ST18: variants seen among roughly 807,000 people sequenced by gnomAD.
ST18 encodes ST18 C2H2C-type zinc finger transcription factor.
Under a neutral mutation model 110.0 loss-of-function variants are expected in ST18, and 50 were observed. The ratio of observed to expected loss-of-function variants is 0.45; its 90% CI spans 0.36 to 0.58. The LOEUF is 0.58. Among genes scored for constraint, ST18 ranks in the 20% least tolerant of loss-of-function variants. The probability of loss-of-function intolerance (pLI) is 0.00; values close to 1 mark genes in which losing one functional copy is unlikely to be tolerated. For missense variants in ST18, 1,306 were observed against 1,280.1 expected (o/e 1.02, Z -0.31); for synonymous variants, 461 against 452.4 (o/e 1.02, Z -0.24).
intron 17 of ST18, among the ~76,000 whole-genome samples, chr8:52,138,793 C>T (rs774622383): frequency 9.2e-5 from 14 of 152,186 alleles, no homozygotes; most frequent in Non-Finnish European, 1.8e-4. Context: ...ACACCAGTCA[C>T]GCATCTGATC....
At chr8:52,147,711 T>C (rs2057715548) in intron 16 of ST18, among the ~76,000 whole-genome samples, 1 of 152,098 alleles carries the variant, frequency 6.6e-6, no homozygotes. Flanking sequence ...CTGTCCTTCC[T>C]GTAGCATAAG....
chr8:52,226,322 G>A (rs1466190149), intron 3 of ST18, among the ~76,000 whole-genome samples: 1 of 152,128 alleles, frequency 6.6e-6, no homozygotes, highest in African/African-American at 2.4e-5. Flanking sequence ...TTAACCACTT[G>A]TTTATGATGT....
intron 8 of ST18, among the ~76,000 whole-genome samples, chr8:52,200,599 G>A (rs997969758): frequency 1.3e-5 from 2 of 152,208 alleles, no homozygotes; most frequent in South Asian, 2.1e-4. Context: ...CTCGTGGAGT[G>A]AATCTTACAT....
intron 23 of ST18, among the ~76,000 whole-genome samples, chr8:52,122,889 A>G (rs1206881290): frequency 6.6e-6 from 1 of 151,964 alleles, no homozygotes; most frequent in African/African-American, 2.4e-5. Flanking sequence ...TTACTAAAGG[A>G]GTGAGGAGAG....
chr8:52,254,697 TA>T (rs1422140694), intron 2 of ST18, among the ~76,000 whole-genome samples: 1 of 152,126 alleles, frequency 6.6e-6, no homozygotes, highest in East Asian at 1.9e-4. Flanking sequence ...AAAATATATG[TA>T]ATGGAAGTGG....
rs534952420 is a variant in ST18, at chr8:52,215,009, G to A, written c.1-752C>T. On this transcript the variant is annotated intron_variant, in intron 6 of 25. Coordinates refer to ENST00000689386, the MANE Select transcript of ST18 (RefSeq NM_001352837.2). ...ACCCATCCATTTCACTAGAATCCGC[G>A]AATCATCTCTTAGTTTAATTCACTT... 3.6e-4 allele frequency among the ~76,000 whole-genome samples: 55 copies of A among 152,280 alleles called. No homozygotes were observed. The South Asian group carries it at 5.6e-3, about 15-fold the overall frequency.
chr8:52,230,993 A>G (rs28380145), intron 2 of ST18, among the ~76,000 whole-genome samples: 2,688 of 152,314 alleles, frequency 0.018, 77 homozygotes, highest in African/African-American at 0.062. Flanking sequence ...GTAAAAAACA[A>G]CCTAAGAGAA....
intron 22 of ST18, among the ~76,000 whole-genome samples, chr8:52,130,723 A>G (rs2049241112): frequency 6.6e-6 from 1 of 152,214 alleles, no homozygotes; most frequent in African/African-American, 2.4e-5. Context: ...CCATATCCTC[A>G]CCAAGCCTTG....
intron 2 of ST18, among the ~76,000 whole-genome samples, chr8:52,348,065 T>A (rs1818529398): frequency 6.6e-6 from 1 of 152,210 alleles, no homozygotes; most frequent in African/African-American, 2.4e-5. Context: ...ACACCCTGGT[T>A]TTGAGTGGCT....
At chr8:52,282,404 C>T (rs573669373) in intron 2 of ST18, among the ~76,000 whole-genome samples, 1 of 152,290 alleles carries the variant, frequency 6.6e-6, no homozygotes, top group South Asian at 2.1e-4. Flanking sequence ...AATCATGTAA[C>T]AGCTTAAATA....
chr8:52,355,836 G>A (rs571029114), intron 2 of ST18, among the ~76,000 whole-genome samples: 90 of 152,236 alleles, frequency 5.9e-4, no homozygotes, highest in African/African-American at 2.0e-3. Context: ...TTGATCTGTC[G>A]AGTAGCTCCC....
At chr8:52,347,440 A>G (rs753513094) in intron 2 of ST18, among the ~76,000 whole-genome samples, 11 of 152,216 alleles carry the variant, frequency 7.2e-5, no homozygotes, top group Admixed American at 3.9e-4. Context: ...CGTTATTGAT[A>G]TGGACCAGAA....
chr8:52,361,959 GT>G (rs1825925491), intron 2 of ST18, among the ~76,000 whole-genome samples: 1 of 151,780 alleles, frequency 6.6e-6, no homozygotes, highest in South Asian at 2.1e-4. Context: ...TTTTCTACAG[GT>G]TTTGCTTCAG....
At chr8:52,238,488 G>A (rs1183235679) in intron 2 of ST18, among the ~76,000 whole-genome samples, 2 of 152,088 alleles carry the variant, frequency 1.3e-5, no homozygotes, top group African/African-American at 2.4e-5. Context: ...ACCACCACTG[G>A]TATCTACCCA....
intron 9 of ST18, among the ~76,000 whole-genome samples, chr8:52,174,105 C>T (rs1437548444): frequency 6.6e-6 from 1 of 152,134 alleles, no homozygotes; most frequent in Non-Finnish European, 1.5e-5. Flanking sequence ...TTATAGGGTG[C>T]AGTCTTTTGT....
rs575643813 is a variant in ST18 at position 52,351,140 on chromosome 8, A to G, written c.-465+58188T>C. On this transcript the variant is annotated intron_variant, in intron 2 of 25. Coordinates refer to ENST00000689386, the MANE Select transcript of ST18 (RefSeq NM_001352837.2). ...TTGTTAAATAAATAAATATCAAAATATATTTATTTTCCAACACATTATTTG... is the reference window on the plus strand; with the variant it reads ...TTGTTAAATAAATAAATATCAAAATGTATTTATTTTCCAACACATTATTTG... 2.1e-4 allele frequency among the ~76,000 whole-genome samples: 32 copies of G among 152,310 alleles called. No homozygotes were observed. In the South Asian group the frequency reaches 5.0e-3, roughly 24 times the overall value.
chr8:52,406,623 A>C (rs1335800468), intron 2 of ST18: 1 of 152,314 alleles, frequency 6.6e-6, no homozygotes, highest in Non-Finnish European at 1.5e-5. Flanking sequence ...ACCCGCAGGC[A>C]GCCAGCTGAG....
Position 52,332,866 on chromosome 8 carries a change from A to AAT in ST18, c.-465+76460_-465+76461dup, listed in dbSNP as rs200218627. Among the ~76,000 whole-genome samples, 1,182 of 151,398 alleles carry AAT rather than the reference A, an allele frequency of 7.8e-3. 10 individuals are homozygous for AAT. The highest frequency in any genetic ancestry group is 0.024 in the African/African-American group (982 of 41,308). ...ACTCTGTCAAAAAACAAACAAACAA[A>AAT]ATATATATATATATGACCAATGGGT... is the stretch of plus-strand genomic sequence containing the variant. On this transcript the variant is annotated intron_variant, in intron 2 of 25. Coordinates refer to ENST00000689386, the MANE Select transcript of ST18 (RefSeq NM_001352837.2).
At chr8:52,273,120 T>C (rs370783388) in intron 2 of ST18, among the ~76,000 whole-genome samples, 1 of 152,232 alleles carries the variant, frequency 6.6e-6, no homozygotes, top group African/African-American at 2.4e-5. Flanking sequence ...GGAAAGGTTC[T>C]GAAAAGAGCC....
Sources: allele counts gnomAD v4.1 joint callset (sites outside exome capture counted in the v4.1 genomes callset), GRCh38; gene constraint gnomAD v4.1.1; transcripts MANE v1.5; gene names NCBI Gene and HGNC (gene_info 2026-07-23, HGNC 2026-07-21).